GCNT2: variants seen among roughly 807,000 people sequenced by gnomAD.
The protein encoded by GCNT2 is glucosaminyl (N-acetyl) transferase 2 (I blood group).
A neutral mutation model predicts 34.2 loss-of-function variants in GCNT2; 34 were observed. The ratio of observed to expected loss-of-function variants is 1.00; its 90% CI spans 0.76 to 1.32. The LOEUF (loss-of-function observed/expected upper bound fraction) is 1.32, where lower values mean the gene tolerates loss of function less well. Among genes scored for constraint, GCNT2 ranks in the 40% most tolerant of loss-of-function variants. The probability of loss-of-function intolerance (pLI) is 0.00; values close to 1 mark genes in which losing one functional copy is unlikely to be tolerated. For synonymous variants in GCNT2, 212 were observed against 188.0 expected (o/e 1.13, Z -1.04); for missense variants, 584 against 489.4 (o/e 1.19, Z -1.82).
At chr6:10,525,462 T>G (rs1219318085) in intron 1 of GCNT2, among the ~76,000 whole-genome samples, 1 of 152,092 alleles carries the variant, frequency 6.6e-6, no homozygotes, top group Non-Finnish European at 1.5e-5. Flanking sequence ...TCTCCTCCCA[T>G]TATATCACAC....
intron 3 of GCNT2, among the ~76,000 whole-genome samples, chr6:10,616,367 C>T (rs533286759): frequency 6.6e-6 from 1 of 152,186 alleles, no homozygotes; most frequent in Non-Finnish European, 1.5e-5. Flanking sequence ...ACAGCACTTC[C>T]ACAGTGTGGA....
chr6:10,542,273 C>A (rs1410074617), intron 3 of GCNT2, among the ~76,000 whole-genome samples: 3 of 152,192 alleles, frequency 2.0e-5, no homozygotes, highest in Non-Finnish European at 4.4e-5. Context: ...TGCCAATCAT[C>A]ATCATCCTGT....
In GCNT2 at chr6:10,552,533, T is replaced by G. The variant is rs570890078; in HGVS notation, c.925+22697T>G. ...GCATTATTCCCTAAGGAATACAGCA[T>G]AACAACTGTTTACATAGCATTTACA... is the stretch of plus-strand genomic sequence containing the variant. On this transcript the variant is annotated intron_variant, in intron 3 of 4. Transcript: ENST00000495262. 6.4e-4 allele frequency among the ~76,000 whole-genome samples: 98 copies of G among 152,196 alleles called. 1 individual carries two copies. The highest frequency in any genetic ancestry group is 2.3e-3 in the African/African-American group (95 of 41,532).
intron 3 of GCNT2, among the ~76,000 whole-genome samples, chr6:10,540,600 C>G (rs906805161): frequency 2.6e-5 from 4 of 152,084 alleles, no homozygotes; most frequent in Non-Finnish European, 5.9e-5. Context: ...ATGATTGGCC[C>G]AGGACCTAGA....
chr6:10,595,655 A>T (rs146957398), intron 3 of GCNT2, among the ~76,000 whole-genome samples: 2 of 152,026 alleles, frequency 1.3e-5, no homozygotes, highest in Non-Finnish European at 2.9e-5. Flanking sequence ...ATTTCTTGGG[A>T]AAGGAAATCA....
At chr6:10,591,450 A>G (rs1325565426) in intron 3 of GCNT2, among the ~76,000 whole-genome samples, 1 of 152,230 alleles carries the variant, frequency 6.6e-6, no homozygotes, top group Non-Finnish European at 1.5e-5. Flanking sequence ...GAGTCCTGAA[A>G]GAATTAGCGA....
chr6:10,597,878 T>C (rs1764927048), intron 3 of GCNT2, among the ~76,000 whole-genome samples: 2 of 152,238 alleles, frequency 1.3e-5, no homozygotes, highest in African/African-American at 2.4e-5. Context: ...ACTAAGCAAA[T>C]GGAAAGTAAG....
chr6:10,535,274 G>T (rs534116695), intron 3 of GCNT2, among the ~76,000 whole-genome samples: 17 of 152,318 alleles, frequency 1.1e-4, no homozygotes, highest in African/African-American at 3.8e-4. Flanking sequence ...CTGCTCAGGT[G>T]AAGGTGCCCA....
intron 3 of GCNT2, among the ~76,000 whole-genome samples, chr6:10,536,319 G>T (rs2113552424): frequency 6.6e-6 from 1 of 151,792 alleles, no homozygotes. Context: ...AGCAATCTCT[G>T]TTTTTTTATA....
intron 3 of GCNT2, among the ~76,000 whole-genome samples, chr6:10,542,454 T>C (rs145405472): frequency 2.6e-4 from 40 of 152,360 alleles, no homozygotes; most frequent in African/African-American, 8.9e-4. Context: ...TTTACAGTTA[T>C]GCAACCATGA....
At chr6:10,601,299 T>C (rs1317851502) in intron 3 of GCNT2, among the ~76,000 whole-genome samples, 2 of 152,316 alleles carry the variant, frequency 1.3e-5, no homozygotes, top group Non-Finnish European at 2.9e-5. Flanking sequence ...CTTGTACTTT[T>C]ATTACCTTTG....
intron 3 of GCNT2, among the ~76,000 whole-genome samples, chr6:10,553,449 G>GA (rs1762563169): frequency 6.6e-6 from 1 of 152,248 alleles, no homozygotes; most frequent in Admixed American, 6.5e-5. Flanking sequence ...GGGAAGCCAA[G>GA]AGATGCTGAG....
chr6:10,526,727 G>C (rs948026001), intron 1 of GCNT2, among the ~76,000 whole-genome samples: 2 of 152,140 alleles, frequency 1.3e-5, no homozygotes, highest in African/African-American at 4.8e-5. Flanking sequence ...GATAAAATAA[G>C]AATGTGTATT....
At chr6:10,607,148 A>C (rs1385859855) in intron 3 of GCNT2, among the ~76,000 whole-genome samples, 4 of 151,986 alleles carry the variant, frequency 2.6e-5, no homozygotes, top group Admixed American at 2.0e-4. Context: ...GGGTTTCACC[A>C]TGTTGGCCGG....
chr6:10,569,544 A>G (rs562251404), intron 3 of GCNT2, among the ~76,000 whole-genome samples: 1 of 152,306 alleles, frequency 6.6e-6, no homozygotes, highest in East Asian at 1.9e-4. Context: ...GGCAACAGCA[A>G]TGAGACAGTT....
intron 3 of GCNT2, among the ~76,000 whole-genome samples, chr6:10,542,058 A>G (rs1262611657): frequency 3.3e-5 from 5 of 152,228 alleles, no homozygotes; most frequent in Non-Finnish European, 5.9e-5. Flanking sequence ...CGTTGCTAGT[A>G]TGAAACCAAT....
At chr6:10,529,900 T>C in intron 3 of GCNT2, 64 bp downstream of exon 3, 1 of 1,317,966 alleles carries the variant, frequency 7.6e-7, no homozygotes, top group Non-Finnish European at 1.1e-6. Flanking sequence ...CTAAATAAGT[T>C]GCTTTGAAAA....
chr6:10,526,910 A>G (rs898522757), intron 1 of GCNT2, among the ~76,000 whole-genome samples: 6 of 152,228 alleles, frequency 3.9e-5, no homozygotes, highest in Admixed American at 1.3e-4. Flanking sequence ...GAGGAGTTCA[A>G]GACCAGCCTG....
At chr6:10,597,046 T>C (rs1764882737) in intron 3 of GCNT2, among the ~76,000 whole-genome samples, 1 of 152,130 alleles carries the variant, frequency 6.6e-6, no homozygotes, top group East Asian at 1.9e-4. Flanking sequence ...AGCTTGTCAG[T>C]CACTGAACAA....
Sources: allele counts gnomAD v4.1 joint callset (sites outside exome capture counted in the v4.1 genomes callset), GRCh38; gene constraint gnomAD v4.1.1; transcripts MANE v1.5; gene names NCBI Gene and HGNC (gene_info 2026-07-23, HGNC 2026-07-21).